The following MIPOL1 variants were observed in gnomAD, a reference collection of about 807,000 sequenced individuals.
MIPOL1 encodes the protein mirror-image polydactyly 1, also known as mirror-image polydactyly gene 1 protein.
Under a neutral mutation model 60.9 loss-of-function variants are expected in MIPOL1, and 57 were observed. The observed-to-expected ratio is 0.94, with a 90% CI of 0.76 to 1.17. The LOEUF (loss-of-function observed/expected upper bound fraction) is 1.17, where lower values mean the gene tolerates loss of function less well. Ranked by LOEUF, MIPOL1 falls within the 50% of genes most tolerant of loss-of-function variation. The pLI, the probability that MIPOL1 is intolerant of heterozygous loss-of-function variation, is 0.00. For missense variants in MIPOL1, 551 were observed against 511.6 expected, an observed-to-expected ratio of 1.08 and a Z score of -0.74; for synonymous variants, 179 against 168.8, an observed-to-expected ratio of 1.06 and a Z score of -0.47.
At chr14:37,526,647 C>T (rs1363186197) in intron 12 of MIPOL1, among the ~76,000 whole-genome samples, 1 of 151,472 alleles carries the variant, frequency 6.6e-6, no homozygotes, top group African/African-American at 2.4e-5. Context: ...TCCCAAAGTG[C>T]TGGGATTACA....
At chr14:37,377,113 C>T (rs1318684077) in intron 10 of MIPOL1, among the ~76,000 whole-genome samples, 1 of 152,104 alleles carries the variant, frequency 6.6e-6, no homozygotes, top group African/African-American at 2.4e-5. Flanking sequence ...GCCTTCTACC[C>T]GGGAAGGAGT....
chr14:37,455,959 T>C (rs1392527348), intron 11 of MIPOL1, among the ~76,000 whole-genome samples: 1 of 152,138 alleles, frequency 6.6e-6, no homozygotes, highest in East Asian at 1.9e-4. Flanking sequence ...ATTTATATGT[T>C]ATTTTCCCAT....
intron 10 of MIPOL1, among the ~76,000 whole-genome samples, chr14:37,420,991 G>C (rs1195541506): frequency 6.6e-6 from 1 of 152,018 alleles, no homozygotes; most frequent in Non-Finnish European, 1.5e-5. Context: ...TAGGGCCTAG[G>C]AAAAAAATTA....
intron 10 of MIPOL1, among the ~76,000 whole-genome samples, chr14:37,420,173 C>A (rs2093847318): frequency 6.6e-6 from 1 of 151,012 alleles, no homozygotes; most frequent in Non-Finnish European, 1.5e-5. Flanking sequence ...AATTTATTTG[C>A]AAGTATCTAT....
intron 7 of MIPOL1, among the ~76,000 whole-genome samples, chr14:37,300,089 A>C (rs1045757102): frequency 2.0e-5 from 3 of 151,762 alleles, no homozygotes; most frequent in Admixed American, 1.3e-4. Flanking sequence ...AGGATTTACT[A>C]TCAGTAATAT....
intron 12 of MIPOL1, among the ~76,000 whole-genome samples, chr14:37,519,941 A>C (rs1256472244): frequency 2.6e-5 from 4 of 152,122 alleles, no homozygotes; most frequent in Admixed American, 2.6e-4. Flanking sequence ...TGGAACCTTC[A>C]CCACTTTTAT....
intron 1 of MIPOL1, among the ~76,000 whole-genome samples, chr14:37,245,702 A>G (rs527240229): frequency 6.6e-6 from 1 of 152,252 alleles, no homozygotes; most frequent in East Asian, 1.9e-4. Flanking sequence ...GAAGAAGTAA[A>G]CATTTATTGT....
chr14:37,326,410 C>G (rs1396411805), intron 9 of MIPOL1, among the ~76,000 whole-genome samples: 1 of 152,168 alleles, frequency 6.6e-6, no homozygotes, highest in Admixed American at 6.5e-5. Flanking sequence ...AGTTCACAGA[C>G]AGTTTTTTTT....
At chr14:37,447,670 G>A (rs2094357711) in intron 11 of MIPOL1, among the ~76,000 whole-genome samples, 2 of 152,104 alleles carry the variant, frequency 1.3e-5, no homozygotes, top group South Asian at 4.1e-4. Context: ...GGAACAAGAG[G>A]CAGAACAATG....
intron 6 of MIPOL1, among the ~76,000 whole-genome samples, chr14:37,283,873 A>G (rs1421220127): frequency 6.6e-6 from 1 of 152,132 alleles, no homozygotes; most frequent in East Asian, 1.9e-4. Flanking sequence ...ATTCTTCCAT[A>G]CACCATACTG....
At chr14:37,402,671 G>A (rs775169598) in intron 10 of MIPOL1, among the ~76,000 whole-genome samples, 4 of 152,112 alleles carry the variant, frequency 2.6e-5, no homozygotes, top group Non-Finnish European at 5.9e-5. Context: ...GAGGAATTGT[G>A]GCCTAAGTAT....
chr14:37,296,463 A>G (rs1282268595), intron 7 of MIPOL1, among the ~76,000 whole-genome samples: 1 of 152,228 alleles, frequency 6.6e-6, no homozygotes, highest in Non-Finnish European at 1.5e-5. Flanking sequence ...TCAGAGCAGA[A>G]CTGAAGGAAA....
Position 37,422,845 on chromosome 14 carries a change from T to C in MIPOL1, c.937-10T>C. The stretch of plus-strand genomic sequence containing the variant: ...AATACTGAATTTCTTAAAATATTAA[T>C]TACTTTTAGGCAAAGTTGTTATCTA... On this transcript the variant is annotated splice_polypyrimidine_tract_variant and intron_variant, in intron 10 of 12. Coordinates refer to ENST00000684589, the MANE Select transcript of MIPOL1 (RefSeq NM_001388067.1). 6.4e-7 allele frequency: 1 copy of C among 1,568,132 alleles called. No individual in the cohort carries two copies. Among genetic ancestry groups the C allele is most frequent in the Non-Finnish European group, 8.7e-7 (1 of 1,147,206 alleles).
intron 10 of MIPOL1, among the ~76,000 whole-genome samples, chr14:37,385,230 C>G (rs1031462214): frequency 1.3e-5 from 2 of 151,924 alleles, no homozygotes; most frequent in Non-Finnish European, 2.9e-5. Context: ...AGAAATTCCA[C>G]TTTTTATCTT....
chr14:37,379,198 A>T (rs1312090255), intron 10 of MIPOL1, among the ~76,000 whole-genome samples: 2 of 152,088 alleles, frequency 1.3e-5, no homozygotes, highest in Non-Finnish European at 1.5e-5. Context: ...GTGACAAAAC[A>T]ATTCAATGGG....
At chr14:37,326,992 C>T (rs1433582996) in intron 9 of MIPOL1, among the ~76,000 whole-genome samples, 1 of 151,968 alleles carries the variant, frequency 6.6e-6, no homozygotes, top group Non-Finnish European at 1.5e-5. Context: ...TAGCTAGAGA[C>T]AATTCTTGAT....
At chr14:37,232,539 G>A (rs1443873242) in intron 1 of MIPOL1, among the ~76,000 whole-genome samples, 1 of 143,168 alleles carries the variant, frequency 7.0e-6, no homozygotes, top group African/African-American at 2.4e-5. Context: ...GTCTTCTAAT[G>A]TCATCTTACC....
intron 12 of MIPOL1, among the ~76,000 whole-genome samples, chr14:37,509,129 T>C (rs1594793160): frequency 6.6e-6 from 1 of 152,210 alleles, no homozygotes; most frequent in East Asian, 1.9e-4. Context: ...AAGCTTCAAC[T>C]ACTACTTATT....
intron 12 of MIPOL1, among the ~76,000 whole-genome samples, chr14:37,526,408 C>T: frequency 7.1e-6 from 1 of 140,242 alleles, no homozygotes; most frequent in African/African-American, 2.7e-5. Context: ...CTCGTTCTGT[C>T]GTCCAGGCTC....
Sources: allele counts gnomAD v4.1 joint callset (sites outside exome capture counted in the v4.1 genomes callset), GRCh38; gene constraint gnomAD v4.1.1; transcripts MANE v1.5; gene names NCBI Gene and HGNC (gene_info 2026-07-23, HGNC 2026-07-21).